The following B3GALT1 variants were observed in gnomAD, a reference collection of about 807,000 sequenced individuals.
B3GALT1 encodes the protein UDP-Gal:betaGlcNAc beta 1,3-galactosyltransferase, polypeptide 1.
B3GALT1 carries 10 observed loss-of-function variants against 23.2 expected under a neutral mutation model. The observed-to-expected ratio is 0.43, with a 90% CI of 0.27 to 0.73. The LOEUF (loss-of-function observed/expected upper bound fraction) is 0.73. B3GALT1 is among the 30% of genes least tolerant of loss of function. The pLI, the probability that B3GALT1 is intolerant of heterozygous loss-of-function variation, is 0.21. For missense variants in B3GALT1, 299 were observed against 405.4 expected (o/e 0.74, Z 2.25); for synonymous variants, 156 against 141.5 (o/e 1.10, Z -0.73).
intron 1 of B3GALT1, among the ~76,000 whole-genome samples, chr2:167,374,690 T>G (rs1196636685): frequency 6.6e-6 from 1 of 152,118 alleles, no homozygotes; most frequent in Non-Finnish European, 1.5e-5. Context: ...CCATTTTTAG[T>G]GGGGTTATTA....
chr2:167,780,805 A>G (rs1688233856), intron 3 of B3GALT1, among the ~76,000 whole-genome samples: 1 of 152,232 alleles, frequency 6.6e-6, no homozygotes, highest in South Asian at 2.1e-4. Context: ...GACAGGCAGC[A>G]TGAATTAATG....
rs79588848 is a variant in B3GALT1 at position 167,317,492 on chromosome 2, G to A, written c.-511+24158G>A. ...CTTCCTGAGCACCCATACCAAGGCG[G>A]TCTGGTGAGCTTCTTACAGCCATCA... is the stretch of plus-strand genomic sequence containing the variant. On this transcript the variant is annotated intron_variant, in intron 1 of 4. Transcript: ENST00000392690. Among the ~76,000 whole-genome samples the A allele has an allele frequency of 1.4e-4, 21 of 152,204 alleles. No individual in the cohort carries two copies. The East Asian group carries it at 4.1e-3, about 29-fold the overall frequency.
chr2:167,561,510 T>C (rs1180480158), intron 2 of B3GALT1, among the ~76,000 whole-genome samples: 3 of 151,692 alleles, frequency 2.0e-5, no homozygotes, highest in Non-Finnish European at 4.4e-5. Flanking sequence ...AATTAATGAA[T>C]CCAGGAGCTG....
At chr2:167,705,474 T>A (rs1207282542) in intron 3 of B3GALT1, among the ~76,000 whole-genome samples, 7 of 152,194 alleles carry the variant, frequency 4.6e-5, no homozygotes, top group African/African-American at 9.6e-5. Flanking sequence ...TGCTTTTTTT[T>A]AATTCTTTAT....
At chr2:167,809,946 C>T (rs1688845704) in intron 3 of B3GALT1, among the ~76,000 whole-genome samples, 1 of 152,230 alleles carries the variant, frequency 6.6e-6, no homozygotes, top group Non-Finnish European at 1.5e-5. Context: ...TTCGAGCTTC[C>T]TGGCTGCTTT....
chr2:167,579,530 G>T (rs1374161362), intron 2 of B3GALT1, among the ~76,000 whole-genome samples: 10 of 147,010 alleles, frequency 6.8e-5, no homozygotes, highest in Non-Finnish European at 1.5e-4. Flanking sequence ...GAGCATTCTG[G>T]ACATAGGTAT....
At chr2:167,393,113 A>G (rs1437583026) in intron 1 of B3GALT1, among the ~76,000 whole-genome samples, 3 of 152,098 alleles carry the variant, frequency 2.0e-5, no homozygotes, top group Admixed American at 1.3e-4. Context: ...GGGTGCCTGT[A>G]GTCCCAGCTG....
chr2:167,664,867 G>C (rs1232955566), intron 3 of B3GALT1, among the ~76,000 whole-genome samples: 9 of 150,240 alleles, frequency 6.0e-5, no homozygotes, highest in Non-Finnish European at 5.9e-5. Flanking sequence ...TTTGGGCTGA[G>C]ACAATGGGGT....
At chr2:167,818,127 C>T (rs1346464704) in intron 3 of B3GALT1, among the ~76,000 whole-genome samples, 3 of 152,206 alleles carry the variant, frequency 2.0e-5, no homozygotes, top group South Asian at 2.1e-4. Context: ...TGACCCCTCA[C>T]GTGGACTTTG....
chr2:167,460,808 G>T (rs1352618368), intron 1 of B3GALT1, among the ~76,000 whole-genome samples: 1 of 152,046 alleles, frequency 6.6e-6, no homozygotes, highest in African/African-American at 2.4e-5. Context: ...AAAGTTGTAG[G>T]CTATCTCTGT....
intron 2 of B3GALT1, among the ~76,000 whole-genome samples, chr2:167,512,759 C>T (rs1476217808): frequency 6.8e-6 from 1 of 147,476 alleles, no homozygotes; most frequent in African/African-American, 2.5e-5. Context: ...ACCTCAGCCT[C>T]CCAAATAGCT....
chr2:167,770,122 T>G (rs936363825), intron 3 of B3GALT1, among the ~76,000 whole-genome samples: 1 of 152,190 alleles, frequency 6.6e-6, no homozygotes, highest in Non-Finnish European at 1.5e-5. Flanking sequence ...GTTTTGTTTT[T>G]TTGAGACTGC....
At chr2:167,696,296 C>CAAAAAA (rs35575073) in intron 3 of B3GALT1, among the ~76,000 whole-genome samples, 4 of 91,834 alleles carry the variant, frequency 4.4e-5, no homozygotes, top group South Asian at 8.8e-4. Context: ...TGGTAAGAGG[C>CAAAAAA]AAAAAAAAAA....
intron 1 of B3GALT1, among the ~76,000 whole-genome samples, chr2:167,442,249 G>T (rs199577288): frequency 2.6e-5 from 4 of 152,104 alleles, no homozygotes; most frequent in African/African-American, 9.7e-5. Flanking sequence ...TGGTGTATAT[G>T]TGCCACATTT....
At position 167,870,765 on chromosome 2, in the gene B3GALT1, G is replaced by A. The variant is rs978024847; in HGVS notation, c.*745G>A. 3 of 164,294 alleles carry A rather than the reference G, an allele frequency of 1.8e-5. No individual in the cohort carries two copies. The highest frequency in any genetic ancestry group is 3.0e-5 in the Non-Finnish European group (2 of 67,530). 10.2% of individuals were successfully genotyped at this position (164,294 alleles called of 1,614,324 possible). A position where few individuals can be genotyped will look rare whatever the true frequency, so the allele number is the denominator to read the frequency against. On this transcript the variant is annotated 3_prime_UTR_variant, in exon 5 of 5. Coordinates refer to ENST00000392690, the MANE Select transcript of B3GALT1 (RefSeq NM_020981.4). ...TCTTTCAGAACAAACATTAAATGGT[G>A]CCTCCAAGGAAACTTTGCCAAATAT...
chr2:167,751,382 G>A (rs1000209110), intron 3 of B3GALT1, among the ~76,000 whole-genome samples: 1 of 152,192 alleles, frequency 6.6e-6, no homozygotes, highest in Non-Finnish European at 1.5e-5. Context: ...GATGAGATTG[G>A]ACAGAGGCAC....
At chr2:167,596,174 G>A (rs1684770494) in intron 2 of B3GALT1, among the ~76,000 whole-genome samples, 1 of 152,174 alleles carries the variant, frequency 6.6e-6, no homozygotes, top group South Asian at 2.1e-4. Flanking sequence ...AATGCTTTGA[G>A]CTGCTTTTGA....
At chr2:167,599,587 A>G (rs892692992) in intron 2 of B3GALT1, among the ~76,000 whole-genome samples, 2 of 152,188 alleles carry the variant, frequency 1.3e-5, no homozygotes, top group African/African-American at 2.4e-5. Context: ...TTTTCTTCCC[A>G]TATGTCATAA....
At chr2:167,417,869 A>T (rs1253887371) in intron 1 of B3GALT1, among the ~76,000 whole-genome samples, 1 of 152,216 alleles carries the variant, frequency 6.6e-6, no homozygotes, top group Non-Finnish European at 1.5e-5. Context: ...AGCATTGATG[A>T]GCAGATCTTG....
Sources: gnomAD v4.1 joint callset for allele counts (sites outside exome capture counted in the v4.1 genomes callset) on GRCh38, gnomAD v4.1.1 for gene constraint, MANE v1.5 for transcripts, NCBI Gene and HGNC (gene_info 2026-07-23, HGNC 2026-07-21) for gene names.